CYP46A1: variants seen among roughly 807,000 people sequenced by gnomAD.
The protein encoded by CYP46A1 is cholesterol 24-hydroxylase.
In CYP46A1, 20 loss-of-function variants were observed where a neutral mutation model predicts 63.3. The ratio of observed to expected loss-of-function variants is 0.32; its 90% confidence interval spans 0.22 to 0.46. The LOEUF is 0.46. Ranked by LOEUF, CYP46A1 falls within the 20% of genes least tolerant of loss-of-function variation. CYP46A1 has a pLI of 1.00. For missense variants in CYP46A1, 445 were observed against 670.8 expected, an observed-to-expected ratio of 0.66 and a Z score of 3.72; for synonymous variants, 268 against 273.6, an observed-to-expected ratio of 0.98 and a Z score of 0.20.
chr14:99,688,612 A>G (rs1203520880), intron 1 of CYP46A1, among the ~76,000 whole-genome samples: 2 of 152,200 alleles, frequency 1.3e-5, no homozygotes, highest in South Asian at 2.1e-4. Flanking sequence ...CCTCTTCTGC[A>G]TCATCCCCAT....
At position 99,684,298 on chromosome 14, in the gene CYP46A1, G is replaced by C. The variant is rs1355165191; in HGVS notation, c.-120G>C. On this transcript the variant is annotated 5_prime_UTR_variant, in exon 1 of 15. Transcript: ENST00000261835. ...GAGCCGAGCGGGCGGGGAGGGTGCT[G>C]GGTCGCGCCTGGCCTGGGGCCGAGG... is the stretch of plus-strand genomic sequence containing the variant. 4.8e-6 allele frequency: 2 copies of C among 416,646 alleles called. No individual in the cohort carries two copies. Among genetic ancestry groups the C allele is most frequent in the African/African-American group, 2.1e-5 (1 of 46,994 alleles). 25.8% of individuals were successfully genotyped at this position (416,646 alleles called of 1,614,324 possible). A position where few individuals can be genotyped will look rare whatever the true frequency, so the allele number is the denominator to read the frequency against.
intron 1 of CYP46A1, among the ~76,000 whole-genome samples, chr14:99,688,038 C>T (rs2056510440): frequency 6.6e-6 from 1 of 152,046 alleles, no homozygotes; most frequent in Admixed American, 6.5e-5. Flanking sequence ...TCTGTGCCCT[C>T]TGTCTTCCTG....
At position 99,726,612 on chromosome 14, in the gene CYP46A1, T is replaced by C. The variant is rs781333856; in HGVS notation, c.1388T>C (p.Val463Ala). 1 of 1,579,194 alleles carries C rather than the reference T, an allele frequency of 6.3e-7. No homozygotes were observed. The highest frequency in any genetic ancestry group is 2.3e-5 in the East Asian group (1 of 43,096). ...CTGCAGAGGCTGGAGTTCCGGCTGG[T>C]GCCCGGGCAGCGCTTCGGGCTGCAG... ...KLLQRLEFRL[V>A]PGQRFGLQEQ... Residue 463 changes from valine (V) to alanine (A), a missense_variant, in exon 15 of 15, where the codon GTG (valine) becomes GCG (alanine). By Grantham distance (64) the Val-to-Ala change is moderately conservative. Transcript: ENST00000261835.
chr14:99,705,734 G>A (rs2056670359), intron 5 of CYP46A1, among the ~76,000 whole-genome samples: 1 of 152,186 alleles, frequency 6.6e-6, no homozygotes, highest in African/African-American at 2.4e-5. Context: ...AGACCAGCCT[G>A]GCCAACATGG....
chr14:99,709,370 G>C (rs547307907), intron 7 of CYP46A1: 4 of 152,064 alleles, frequency 2.6e-5, no homozygotes, highest in Non-Finnish European at 5.9e-5. Context: ...GAAACAAACA[G>C]AAATCTTAAA....
chr14:99,721,814 A>G, intron 11 of CYP46A1, 142 bp from the exon 12 acceptor site: 2 of 585,486 alleles, frequency 3.4e-6, no homozygotes. Context: ...CTGATGTCCC[A>G]GGGGCCTGGG....
chr14:99,713,655 G>T, intron 7 of CYP46A1, among the ~76,000 whole-genome samples: 1 of 151,900 alleles, frequency 6.6e-6, no homozygotes, highest in East Asian at 1.9e-4. Context: ...AAGGCAGGCA[G>T]ATCACTTGAG....
At chr14:99,690,247 G>A (rs1485846446) in intron 1 of CYP46A1, among the ~76,000 whole-genome samples, 1 of 152,174 alleles carries the variant, frequency 6.6e-6, no homozygotes, top group African/African-American at 2.4e-5. Context: ...TGAGCAGTAG[G>A]ACATAAATAA....
rs377304188 is a variant in CYP46A1 at position 99,707,693 on chromosome 14, C to T, written c.693+15C>T. 1.2e-6 allele frequency: 2 copies of T among 1,610,890 alleles called. No homozygotes were observed. Among genetic ancestry groups the T allele is most frequent in the African/African-American group, 1.3e-5 (1 of 74,860 alleles). ...CTCTGGCAAAGGTACTGCCTCAGCA[C>T]CCCCTCTGGTGACCAGCCACCAGAG... On this transcript the variant is annotated intron_variant, in intron 7 of 14. Transcript: ENST00000261835.
intron 10 of CYP46A1, 103 bp downstream of exon 10, chr14:99,718,229 C>T (rs2140137139): frequency 2.1e-6 from 2 of 940,328 alleles, no homozygotes; most frequent in Non-Finnish European, 3.4e-6. Context: ...TCAACATGCC[C>T]TGCTTCCCCT....
At position 99,721,278 on chromosome 14, in the gene CYP46A1, G is replaced by T. The variant is rs2056843988; in HGVS notation, c.1020G>T (p.Arg340Ser). Residue 340 changes from arginine to serine, a missense_variant, in exon 11 of 15, where the codon AGG (arginine) becomes AGT (serine). Transcript: ENST00000261835. ...AEVDEVIGSK[R>S]YLDFEDLGRL... ...TGGATGAGGTCATTGGTTCTAAGAG[G>T]TACCTGGATTTCGAGGACCTGGGGA... 6.2e-7 allele frequency: 1 copy of T among 1,614,108 alleles called. No homozygotes were observed. The highest frequency in any genetic ancestry group is 8.5e-7 in the Non-Finnish European group (1 of 1,179,976).
intron 1 of CYP46A1, among the ~76,000 whole-genome samples, chr14:99,689,452 C>G (rs1384461254): frequency 1.3e-5 from 2 of 151,692 alleles, no homozygotes; most frequent in African/African-American, 4.9e-5. Flanking sequence ...CAGAGCTACC[C>G]CAGAAGTGGA....
At position 99,726,745 on chromosome 14, in the gene CYP46A1, A is replaced by G. The variant is rs928735159; in HGVS notation, c.*18A>G. On this transcript the variant is annotated 3_prime_UTR_variant, in exon 15 of 15. Coordinates refer to ENST00000261835, the MANE Select transcript of CYP46A1 (RefSeq NM_006668.2). ...CCTGCTGAGGGGGCCTCCAGGCAGGACGAGACTCCTCGGGCAAGGGCCGTG... is the reference window on the plus strand; with the variant it reads ...CCTGCTGAGGGGGCCTCCAGGCAGGGCGAGACTCCTCGGGCAAGGGCCGTG... The G allele has an allele frequency of 1.3e-6, 2 of 1,498,652 alleles. No individual in the cohort carries two copies. Among genetic ancestry groups the G allele is most frequent in the Non-Finnish European group, 1.8e-6 (2 of 1,120,616 alleles). The allele number at this position is 1,498,652 out of a possible 1,614,324, so 92.8% of individuals were successfully genotyped here.
chr14:99,684,542 C>T lies in CYP46A1; in HGVS notation c.119+6C>T. 2 of 1,455,812 alleles carry T rather than the reference C, an allele frequency of 1.4e-6. No homozygotes were observed. The highest frequency in any genetic ancestry group is 1.3e-5 in the South Asian group (1 of 75,380). 90.2% of individuals were successfully genotyped at this position (1,455,812 alleles called of 1,614,324 possible). ...CCCGGGCCGCCGCGGCCCAGGTGAG[C>T]GGGGCTGGGGGCGGGGCCTGGCTGG... is the stretch of plus-strand genomic sequence containing the variant. On this transcript the variant is annotated splice_donor_region_variant and intron_variant, in intron 1 of 14. Transcript: ENST00000261835.
chr14:99,707,755 ATTTT>A (rs34955990), intron 7 of CYP46A1, 77 bp downstream of exon 7: 3 of 973,390 alleles, frequency 3.1e-6, no homozygotes, highest in East Asian at 5.5e-5. Context: ...TCCTTCAGTG[ATTTT>A]TTTTTTTTTT....
intron 13 of CYP46A1, among the ~76,000 whole-genome samples, 157 bp from the exon 14 acceptor site, chr14:99,726,033 C>T (rs539350045): frequency 5.2e-4 from 79 of 152,218 alleles, no homozygotes; most frequent in African/African-American, 1.4e-3. Flanking sequence ...ATCCAGCCCT[C>T]GGCAGAGTCA....
At chr14:99,707,943 T>A (rs1238691829) in intron 7 of CYP46A1, 3 of 413,710 alleles carry the variant, frequency 7.3e-6, no homozygotes, top group Non-Finnish European at 1.3e-5. Context: ...CTATGATGGC[T>A]CCATGGTGTC....
At chr14:99,699,176 G>T (rs929227484) in intron 3 of CYP46A1, among the ~76,000 whole-genome samples, 2 of 152,128 alleles carry the variant, frequency 1.3e-5, no homozygotes, top group Non-Finnish European at 2.9e-5. Flanking sequence ...TTTGGAAGGT[G>T]ACATGGTATG....
chr14:99,715,403 G>A (rs1180102994), intron 7 of CYP46A1, among the ~76,000 whole-genome samples: 2 of 152,102 alleles, frequency 1.3e-5, no homozygotes, highest in Admixed American at 6.5e-5. Flanking sequence ...GCCCCCTCCC[G>A]TTCCCTGGGA....
Sources: allele counts gnomAD v4.1 joint callset (sites outside exome capture counted in the v4.1 genomes callset), GRCh38; gene constraint gnomAD v4.1.1; transcripts MANE v1.5; gene names NCBI Gene and HGNC (gene_info 2026-07-23, HGNC 2026-07-21).